EXOC6B: variants seen among roughly 807,000 people sequenced by gnomAD.
The protein encoded by EXOC6B is SEC15 homolog B.
Under a neutral mutation model 113.5 loss-of-function variants are expected in EXOC6B, and 54 were observed. The ratio of observed to expected loss-of-function variants is 0.48; its 90% CI spans 0.38 to 0.60. EXOC6B has a LOEUF of 0.60. Ranked by LOEUF, EXOC6B falls within the 20% of genes least tolerant of loss-of-function variation. EXOC6B has a pLI of 0.00. For missense variants in EXOC6B, 797 were observed against 977.5 expected (o/e 0.82, Z 2.46); for synonymous variants, 357 against 339.0 (o/e 1.05, Z -0.58).
intron 18 of EXOC6B, among the ~76,000 whole-genome samples, chr2:72,416,446 T>C (rs573422642): frequency 6.6e-6 from 1 of 152,294 alleles, no homozygotes; most frequent in South Asian, 2.1e-4. Context: ...ATCTAACATA[T>C]AACTGCAGAA....
chr2:72,265,675 C>G lies in EXOC6B; in HGVS notation c.2196+69272G>C, dbSNP rs552372826. Among the ~76,000 whole-genome samples, 18 of 151,544 alleles carry G rather than the reference C, an allele frequency of 1.2e-4. No individual in the cohort carries two copies. The South Asian group carries it at 3.8e-3, about 32-fold the overall frequency. On this transcript the variant is annotated intron_variant, in intron 20 of 21. Transcript: ENST00000272427. ...TCATTGTTGGACATTTGGGTTGGTT[C>G]CAAGTCTTTGCTATTGTGAATAGTG... is the stretch of plus-strand genomic sequence containing the variant.
intron 1 of EXOC6B, among the ~76,000 whole-genome samples, chr2:72,797,269 A>G (rs1685016995): frequency 6.6e-6 from 1 of 152,226 alleles, no homozygotes; most frequent in African/African-American, 2.4e-5. Context: ...AATATTCCTC[A>G]GTTTTTGCTA....
chr2:72,588,463 T>C (rs1705721600), intron 6 of EXOC6B, among the ~76,000 whole-genome samples: 1 of 151,946 alleles, frequency 6.6e-6, no homozygotes, highest in South Asian at 2.1e-4. Flanking sequence ...TCATATGGGG[T>C]ATCTCAAGTA....
At chr2:72,715,674 T>G (rs1302325690) in intron 6 of EXOC6B, among the ~76,000 whole-genome samples, 1 of 152,106 alleles carries the variant, frequency 6.6e-6, no homozygotes, top group Non-Finnish European at 1.5e-5. Context: ...GAATATTGTT[T>G]GTCTCTGGTT....
chr2:72,822,344 T>C (rs1238636550), intron 1 of EXOC6B, among the ~76,000 whole-genome samples: 1 of 152,164 alleles, frequency 6.6e-6, no homozygotes, highest in Non-Finnish European at 1.5e-5. Context: ...ATAGCTACTT[T>C]CCCAAAAGAG....
At chr2:72,525,597 C>G (rs545850793) in intron 8 of EXOC6B, among the ~76,000 whole-genome samples, 1 of 152,176 alleles carries the variant, frequency 6.6e-6, no homozygotes, top group African/African-American at 2.4e-5. Context: ...GTTAGGGAAA[C>G]CCTAACCTGA....
intron 7 of EXOC6B, among the ~76,000 whole-genome samples, chr2:72,574,901 G>T (rs989351475): frequency 6.6e-6 from 1 of 152,128 alleles, no homozygotes; most frequent in African/African-American, 2.4e-5. Flanking sequence ...AGAAAAATAT[G>T]TACTAGTTAA....
chr2:72,235,975 T>G (rs1681935578), intron 20 of EXOC6B, among the ~76,000 whole-genome samples: 1 of 152,224 alleles, frequency 6.6e-6, no homozygotes, highest in African/African-American at 2.4e-5. Flanking sequence ...GCTTAACAGA[T>G]GTCAGTTGAT....
chr2:72,535,225 C>A lies in EXOC6B; in HGVS notation c.916-20099G>T, dbSNP rs553177183. 4.6e-5 allele frequency among the ~76,000 whole-genome samples: 7 copies of A among 152,308 alleles called. No homozygotes were observed. The South Asian group carries it at 1.2e-3, about 27-fold the overall frequency. On this transcript the variant is annotated intron_variant, in intron 8 of 21. Transcript: ENST00000272427. Reference sequence around the variant, plus strand: ...ATCCCTAGATGTACCTCTTCAGAGTCTATTGTGCTACTTGGTTTGAAACCC... The same window carrying A: ...ATCCCTAGATGTACCTCTTCAGAGTATATTGTGCTACTTGGTTTGAAACCC...
chr2:72,399,561 A>ATT (rs760234522), intron 18 of EXOC6B, among the ~76,000 whole-genome samples: 1 of 152,158 alleles, frequency 6.6e-6, no homozygotes, highest in Non-Finnish European at 1.5e-5. Context: ...ATACCAAACG[A>ATT]TTCTGGGATT....
intron 7 of EXOC6B, among the ~76,000 whole-genome samples, chr2:72,570,557 T>C (rs1282848611): frequency 6.6e-6 from 1 of 152,164 alleles, no homozygotes; most frequent in African/African-American, 2.4e-5. Context: ...TCAACAAATA[T>C]TTATGTGACC....
chr2:72,648,652 G>C (rs1016738873), intron 6 of EXOC6B, among the ~76,000 whole-genome samples: 1 of 152,098 alleles, frequency 6.6e-6, no homozygotes, highest in Non-Finnish European at 1.5e-5. Flanking sequence ...AGTAACCTAA[G>C]TATCCATTAA....
At chr2:72,345,798 C>T (rs28438991) in intron 19 of EXOC6B, among the ~76,000 whole-genome samples, 1,810 of 152,224 alleles carry the variant, frequency 0.012, 32 homozygotes, top group African/African-American at 0.042. Context: ...ATGTACAACA[C>T]GAAGAGTGAA....
At chr2:72,383,487 A>G (rs1017527103) in intron 18 of EXOC6B, among the ~76,000 whole-genome samples, 1 of 151,952 alleles carries the variant, frequency 6.6e-6, no homozygotes, top group African/African-American at 2.4e-5. Context: ...ATTAAAAAAA[A>G]AATTAAAAAA....
intron 6 of EXOC6B, among the ~76,000 whole-genome samples, chr2:72,591,099 A>G (rs1020795829): frequency 1.3e-5 from 2 of 152,110 alleles, no homozygotes; most frequent in African/African-American, 4.8e-5. Flanking sequence ...AAATTAAAAG[A>G]CTAGTACAAA....
At chr2:72,233,071 CA>C (rs901957121) in intron 20 of EXOC6B, among the ~76,000 whole-genome samples, 28 of 126,928 alleles carry the variant, frequency 2.2e-4, no homozygotes, top group Admixed American at 5.7e-4. Flanking sequence ...AACTCCGTCC[CA>C]AAAAAAAAAG....
chr2:72,802,240 G>A (rs370598805), intron 1 of EXOC6B, among the ~76,000 whole-genome samples: 31 of 151,574 alleles, frequency 2.0e-4, no homozygotes, highest in African/African-American at 5.8e-4. Flanking sequence ...CAGGAGAATC[G>A]CTTGAACGCA....
intron 16 of EXOC6B, among the ~76,000 whole-genome samples, chr2:72,484,946 A>C (rs1573230377): frequency 6.6e-6 from 1 of 150,756 alleles, no homozygotes; most frequent in East Asian, 1.9e-4. Context: ...ATGTGTCTTT[A>C]TAGTAGAATG....
chr2:72,609,365 G>C (rs1331968740), intron 6 of EXOC6B, among the ~76,000 whole-genome samples: 1 of 152,022 alleles, frequency 6.6e-6, no homozygotes, highest in Non-Finnish European at 1.5e-5. Context: ...GGAAAAGGTA[G>C]ACCATTTCAG....
Sources: gnomAD v4.1 joint callset for allele counts (sites outside exome capture counted in the v4.1 genomes callset) on GRCh38, gnomAD v4.1.1 for gene constraint, MANE v1.5 for transcripts, NCBI Gene and HGNC (gene_info 2026-07-23, HGNC 2026-07-21) for gene names.